CSGALNACT1: variants seen among roughly 807,000 people sequenced by gnomAD.
CSGALNACT1 encodes the protein chondroitin sulfate N-acetylgalactosaminyltransferase 1.
Under a neutral mutation model 51.0 loss-of-function variants are expected in CSGALNACT1, and 52 were observed. The ratio of observed to expected loss-of-function variants is 1.02; its 90% confidence interval spans 0.82 to 1.29. The LOEUF is 1.29. CSGALNACT1 is among the 50% of genes most tolerant of loss of function. The probability of loss-of-function intolerance (pLI) is 0.00; values close to 1 mark genes in which losing one functional copy is unlikely to be tolerated. For synonymous variants in CSGALNACT1, 341 were observed against 254.4 expected (o/e 1.34, Z -3.24); for missense variants, 935 against 679.2 (o/e 1.38, Z -4.19).
chr8:19,599,088 A>T (rs2154141485), intron 2 of CSGALNACT1, among the ~76,000 whole-genome samples: 1 of 152,078 alleles, frequency 6.6e-6, no homozygotes, highest in South Asian at 2.1e-4. Context: ...CAGAAGGGCC[A>T]GAGGTGGGAG....
chr8:19,428,962 T>C (rs1357772474), intron 6 of CSGALNACT1, among the ~76,000 whole-genome samples: 1 of 151,946 alleles, frequency 6.6e-6, no homozygotes, highest in East Asian at 1.9e-4. Context: ...ATCAGTGTCA[T>C]TTAGTACATT....
intron 3 of CSGALNACT1, among the ~76,000 whole-genome samples, chr8:19,550,050 G>A (rs182458881): frequency 1.3e-5 from 2 of 152,200 alleles, no homozygotes; most frequent in Admixed American, 6.5e-5. Context: ...GGCACTTAAT[G>A]TACTCTTTCC....
At chr8:19,451,229 A>C (rs1391670283) in intron 5 of CSGALNACT1, among the ~76,000 whole-genome samples, 1 of 151,792 alleles carries the variant, frequency 6.6e-6, no homozygotes, top group African/African-American at 2.4e-5. Context: ...CAGCTGGAGG[A>C]CTCTGGCCTT....
intron 3 of CSGALNACT1, among the ~76,000 whole-genome samples, chr8:19,511,784 C>G (rs1280052686): frequency 1.3e-5 from 2 of 152,214 alleles, no homozygotes; most frequent in Non-Finnish European, 2.9e-5. Context: ...TTAATTGACT[C>G]ACAGTTCCAC....
At chr8:19,646,727 T>C (rs2057312554) in intron 1 of CSGALNACT1, among the ~76,000 whole-genome samples, 1 of 152,168 alleles carries the variant, frequency 6.6e-6, no homozygotes, top group African/African-American at 2.4e-5. Context: ...AAAAGGGGTC[T>C]ATAAATATCC....
At chr8:19,586,451 C>G (rs2046673679) in intron 3 of CSGALNACT1, among the ~76,000 whole-genome samples, 1 of 151,808 alleles carries the variant, frequency 6.6e-6, no homozygotes, top group Non-Finnish European at 1.5e-5. Flanking sequence ...ACAACTCTTC[C>G]TAATGTAGTG....
At chr8:19,633,091 A>C (rs2055523543) in intron 1 of CSGALNACT1, among the ~76,000 whole-genome samples, 1 of 151,940 alleles carries the variant, frequency 6.6e-6, no homozygotes, top group African/African-American at 2.4e-5. Context: ...GCTTTTTAAA[A>C]GGGAGTTTGG....
intron 3 of CSGALNACT1, among the ~76,000 whole-genome samples, chr8:19,558,747 T>C (rs930580510): frequency 6.6e-6 from 1 of 152,172 alleles, no homozygotes; most frequent in Non-Finnish European, 1.5e-5. Flanking sequence ...ACACTGACAT[T>C]TAATTTAGAG....
chr8:19,688,309 G>A (rs939812762), intron 1 of CSGALNACT1, among the ~76,000 whole-genome samples: 5 of 152,148 alleles, frequency 3.3e-5, no homozygotes, highest in Non-Finnish European at 7.3e-5. Flanking sequence ...CGTCACCAGG[G>A]TTGCTGCAGC....
At chr8:19,418,815 C>A in intron 7 of CSGALNACT1, 65 bp from the exon 7 acceptor site, 8 of 1,171,948 alleles carry the variant, frequency 6.8e-6, no homozygotes, top group Non-Finnish European at 1.0e-5. Context: ...TGTTCCTTGA[C>A]ATTTGGCCCT....
chr8:19,522,718 A>G (rs575941856), intron 3 of CSGALNACT1, among the ~76,000 whole-genome samples: 6 of 152,354 alleles, frequency 3.9e-5, no homozygotes, highest in East Asian at 1.9e-4. Flanking sequence ...CAGCAAGCAC[A>G]TTTGGGAGAA....
chr8:19,488,446 C>T (rs372249936), intron 4 of CSGALNACT1, among the ~76,000 whole-genome samples: 11 of 142,742 alleles, frequency 7.7e-5, no homozygotes, highest in Non-Finnish European at 1.4e-4. Flanking sequence ...TTGTAAAGAG[C>T]CCTTCTTCAC....
chr8:19,450,394 G>A (rs2062965377), intron 5 of CSGALNACT1, among the ~76,000 whole-genome samples: 1 of 152,082 alleles, frequency 6.6e-6, no homozygotes, highest in South Asian at 2.1e-4. Context: ...AAAAACAGCA[G>A]GAGCTACATT....
chr8:19,455,800 A>G (rs1475519188), intron 5 of CSGALNACT1, among the ~76,000 whole-genome samples: 1 of 152,222 alleles, frequency 6.6e-6, no homozygotes, highest in Non-Finnish European at 1.5e-5. Context: ...TATCTCTGCC[A>G]CAGCGCCTGG....
intron 1 of CSGALNACT1, among the ~76,000 whole-genome samples, chr8:19,679,926 G>A (rs1214260944): frequency 6.6e-6 from 1 of 152,164 alleles, no homozygotes; most frequent in Non-Finnish European, 1.5e-5. Context: ...CTGGAAGGGG[G>A]CCTACATACC....
At chr8:19,756,470 A>G (rs918788755) in intron 1 of CSGALNACT1, among the ~76,000 whole-genome samples, 2 of 152,222 alleles carry the variant, frequency 1.3e-5, no homozygotes, top group Non-Finnish European at 2.9e-5. Flanking sequence ...CGATGAAAAG[A>G]TAACTTCAAA....
intron 3 of CSGALNACT1, among the ~76,000 whole-genome samples, chr8:19,573,064 T>A (rs2043358266): frequency 6.6e-6 from 1 of 151,952 alleles, no homozygotes; most frequent in African/African-American, 2.4e-5. Flanking sequence ...TGGAAGTGGG[T>A]TTTTCACCTC....
intron 4 of CSGALNACT1, among the ~76,000 whole-genome samples, chr8:19,496,463 A>C (rs1213246532): frequency 6.6e-6 from 1 of 152,204 alleles, no homozygotes; most frequent in Non-Finnish European, 1.5e-5. Context: ...GACGTTATTC[A>C]TTTGTAGAGC....
intron 8 of CSGALNACT1, among the ~76,000 whole-genome samples, chr8:19,414,461 G>C (rs1356373677): frequency 6.6e-6 from 1 of 152,138 alleles, no homozygotes; most frequent in Non-Finnish European, 1.5e-5. Flanking sequence ...ACACATGAAA[G>C]CACCAGCAAG....
Sources: gnomAD v4.1 joint callset for allele counts (sites outside exome capture counted in the v4.1 genomes callset) on GRCh38, gnomAD v4.1.1 for gene constraint, MANE v1.5 for transcripts, NCBI Gene and HGNC (gene_info 2026-07-23, HGNC 2026-07-21) for gene names.